The following TMEM164 variants were observed in gnomAD, a reference collection of about 807,000 sequenced individuals.
TMEM164 encodes RP13-360B22.2.
Under a neutral mutation model 18.8 loss-of-function variants are expected in TMEM164, and 4 were observed. The observed-to-expected ratio is 0.21, with a 90% CI of 0.10 to 0.49. TMEM164 has a LOEUF of 0.49. TMEM164 is among the 20% of genes least tolerant of loss of function. The pLI is 0.98. For synonymous variants in TMEM164, 86 were observed against 101.7 expected, an observed-to-expected ratio of 0.85 and a Z score of 0.93; for missense variants, 108 against 239.9, an observed-to-expected ratio of 0.45 and a Z score of 3.63.
At chrX:110,014,744 C>CTTTTTTTTTTTTTTTTTTTTTTGTTTTT (rs1933221988) in intron 2 of TMEM164, among the ~76,000 whole-genome samples, 2 of 54,238 alleles carry the variant, frequency 3.7e-5, no homozygotes, top group African/African-American at 7.5e-5. Context: ...TTGGTTGTTT[C>CTTTTTTTTTTTTTTTTTTTTTTGTTTTT]TTTTTTTTTT....
intron 5 of TMEM164, 33 bp downstream of exon 5, chrX:110,144,909 C>T (rs752941712): frequency 1.8e-6 from 2 of 1,105,284 alleles, no homozygotes; most frequent in Admixed American, 2.2e-5. Context: ...CTATGTAACC[C>T]CCACACCTAA....
At chrX:110,119,897 T>C (rs1309319447) in intron 4 of TMEM164, among the ~76,000 whole-genome samples, 2 of 111,833 alleles carry the variant, frequency 1.8e-5, no homozygotes, top group Non-Finnish European at 3.8e-5. Context: ...GTGGCGGTAA[T>C]GTGAAGGGGG....
At chrX:110,155,650 C>T (rs1325494024) in intron 5 of TMEM164, among the ~76,000 whole-genome samples, 1 of 111,293 alleles carries the variant, frequency 9.0e-6, no homozygotes, top group Non-Finnish European at 1.9e-5. Flanking sequence ...TTTGCTTCCT[C>T]TCTCCTCTCC....
At chrX:110,087,373 T>G (rs1197321379) in intron 3 of TMEM164, among the ~76,000 whole-genome samples, 2 of 111,870 alleles carry the variant, frequency 1.8e-5, no homozygotes, top group Non-Finnish European at 3.8e-5. Context: ...TTTGTTGTTG[T>G]TGTTTTTGAA....
chrX:110,141,801 ACT>A (rs940154494), intron 4 of TMEM164, among the ~76,000 whole-genome samples: 2 of 110,754 alleles, frequency 1.8e-5, no homozygotes, highest in African/African-American at 6.6e-5. Flanking sequence ...CTCCCATTCA[ACT>A]CTCTTATTCT....
chrX:110,051,919 G>A (rs763749855), intron 2 of TMEM164, among the ~76,000 whole-genome samples: 2 of 112,051 alleles, frequency 1.8e-5, no homozygotes, highest in South Asian at 3.7e-4. Flanking sequence ...ATTCAAGCCC[G>A]GAACATTATA....
intron 3 of TMEM164, among the ~76,000 whole-genome samples, chrX:110,070,844 G>A (rs2065577571): frequency 8.9e-6 from 1 of 111,811 alleles, no homozygotes; most frequent in Non-Finnish European, 1.9e-5. Context: ...AGTGCTTTTT[G>A]CTAGAATAGG....
chrX:110,081,583 C>T (rs1308016695), intron 3 of TMEM164, among the ~76,000 whole-genome samples: 4 of 112,287 alleles, frequency 3.6e-5, no homozygotes, highest in African/African-American at 9.7e-5. Flanking sequence ...GCCCATGCTG[C>T]TAATCATGAC....
At chrX:110,107,292 G>T (rs1379027124) in intron 3 of TMEM164, among the ~76,000 whole-genome samples, 1 of 111,801 alleles carries the variant, frequency 8.9e-6, no homozygotes, top group Non-Finnish European at 1.9e-5. Context: ...CTTATGTGTG[G>T]TGTTGACCAG....
chrX:110,071,619 C>G (rs922173084), intron 3 of TMEM164, among the ~76,000 whole-genome samples: 2 of 98,118 alleles, frequency 2.0e-5, no homozygotes, highest in Non-Finnish European at 4.0e-5. Context: ...GTGGCTCATG[C>G]GTATAATCCC....
chrX:110,046,413 T>G, intron 2 of TMEM164: 6 of 754,435 alleles, frequency 8.0e-6, no homozygotes, highest in Non-Finnish European at 9.4e-6. Flanking sequence ...GATAGAAGAC[T>G]GCCCCACCTT....
intron 3 of TMEM164, among the ~76,000 whole-genome samples, chrX:110,084,459 G>GTATATTATATATA (rs2065820085): frequency 1.6e-5 from 1 of 64,168 alleles, no homozygotes; most frequent in Non-Finnish European, 2.9e-5. Context: ...TATATATATA[G>GTATATTATATATA]TATAGTATAT....
At chrX:110,049,242 T>C (rs1935442816) in intron 2 of TMEM164, among the ~76,000 whole-genome samples, 1 of 111,213 alleles carries the variant, frequency 9.0e-6, no homozygotes, top group African/African-American at 3.3e-5. Flanking sequence ...CTCTTGGGGG[T>C]TTCTGCTGCT....
chrX:110,004,079 C>T lies in TMEM164; in HGVS notation c.305C>T (p.Thr102Ile). Residue 102 changes from threonine to isoleucine, a missense_variant, in exon 2 of 7, where the codon ACC becomes ATC. Physicochemically the swap from Thr to Ile is moderately conservative, Grantham distance 89. Coordinates refer to ENST00000372068, the MANE Select transcript of TMEM164 (RefSeq NM_032227.4). ...KNLLLVALCLTFGVEVGFKFA... is the reference protein window; with the variant it reads ...KNLLLVALCLIFGVEVGFKFA... The stretch of plus-strand genomic sequence containing the variant: ...CTGCTCTTAGTAGCCCTGTGCCTGA[C>T]CTTCGGGGTGGAGGTGGGCTTTAAG... 1.7e-6 allele frequency: 2 copies of T among 1,211,012 alleles called. No individual in the cohort carries two copies. Among genetic ancestry groups the T allele is most frequent in the Non-Finnish European group, 2.2e-6 (2 of 895,359 alleles).
chrX:110,044,476 G>A (rs1935228029), intron 2 of TMEM164, among the ~76,000 whole-genome samples: 1 of 107,393 alleles, frequency 9.3e-6, no homozygotes, highest in African/African-American at 3.4e-5. Flanking sequence ...GTCTTGTTCT[G>A]TCACCCAGGC....
At chrX:110,031,738 G>A (rs933606471) in intron 2 of TMEM164, among the ~76,000 whole-genome samples, 1 of 110,200 alleles carries the variant, frequency 9.1e-6, no homozygotes, top group African/African-American at 3.3e-5. Context: ...TTTGATACAC[G>A]TATCCATTAA....
intron 5 of TMEM164, among the ~76,000 whole-genome samples, chrX:110,160,467 A>G (rs1356226319): frequency 8.9e-6 from 1 of 112,508 alleles, no homozygotes; most frequent in African/African-American, 3.2e-5. Flanking sequence ...AAGAAACATA[A>G]TTAGTATATT....
Position 110,111,842 on chromosome X carries a change from C to T in TMEM164, c.507+2696C>T, listed in dbSNP as rs2066294096. Among the ~76,000 whole-genome samples, 3 of 111,926 alleles carry T rather than the reference C, an allele frequency of 2.7e-5. No homozygotes were observed. In the South Asian group the frequency reaches 1.1e-3, roughly 42 times the overall value. ...GAAAGCTGGTGGTGAAGTTTTCATT[C>T]AGTCAATATTGTTACACAAAAGGTA... On this transcript the variant is annotated intron_variant, in intron 4 of 6. Transcript: ENST00000372068.
At chrX:110,095,848 C>T (rs146847245) in intron 3 of TMEM164, among the ~76,000 whole-genome samples, 104 of 112,207 alleles carry the variant, frequency 9.3e-4, no homozygotes, top group East Asian at 3.9e-3. Flanking sequence ...ATGATGATGA[C>T]GTACAGATGG....
Sources: gnomAD v4.1 joint callset for allele counts (sites outside exome capture counted in the v4.1 genomes callset) on GRCh38, gnomAD v4.1.1 for gene constraint, MANE v1.5 for transcripts, NCBI Gene and HGNC (gene_info 2026-07-23, HGNC 2026-07-21) for gene names.